The following ANKH variants were observed in gnomAD, a reference collection of about 807,000 sequenced individuals.
ANKH encodes the protein ANKH inorganic pyrophosphate transport regulator.
A neutral mutation model predicts 49.0 loss-of-function variants in ANKH; 15 were observed. That is an observed-to-expected ratio of 0.31 (90% confidence interval 0.20 to 0.47). The LOEUF is 0.47. ANKH is among the 20% of genes least tolerant of loss of function. ANKH has a pLI of 1.00. For synonymous variants in ANKH, 273 were observed against 260.0 expected (o/e 1.05, Z -0.48); for missense variants, 429 against 652.0 (o/e 0.66, Z 3.72).
intron 1 of ANKH, among the ~76,000 whole-genome samples, chr5:14,827,506 GT>G (rs752383325): frequency 5.9e-5 from 9 of 152,208 alleles, no homozygotes; most frequent in Non-Finnish European, 1.2e-4. Flanking sequence ...GTTACGCAGG[GT>G]CAGTCCAGGC....
chr5:14,861,692 C>T (rs578137973), intron 1 of ANKH, among the ~76,000 whole-genome samples: 5 of 152,276 alleles, frequency 3.3e-5, no homozygotes, highest in South Asian at 2.1e-4. Flanking sequence ...AGATTCTTAT[C>T]GACAGCCCAC....
intron 1 of ANKH, among the ~76,000 whole-genome samples, chr5:14,848,710 T>C (rs1323566285): frequency 2.6e-5 from 4 of 152,172 alleles, no homozygotes; most frequent in Non-Finnish European, 4.4e-5. Flanking sequence ...CACTAGTTGC[T>C]GGGTTCCACG....
intron 1 of ANKH, among the ~76,000 whole-genome samples, chr5:14,790,963 C>T (rs1740146862): frequency 6.6e-6 from 1 of 152,082 alleles, no homozygotes; most frequent in African/African-American, 2.4e-5. Flanking sequence ...CTGTGCTGGG[C>T]ATTTTCTCAT....
chr5:14,730,146 G>A (rs886692697), intron 8 of ANKH, among the ~76,000 whole-genome samples: 1 of 152,030 alleles, frequency 6.6e-6, no homozygotes, highest in Non-Finnish European at 1.5e-5. Flanking sequence ...CACAAGGAGG[G>A]GACCTGACCA....
At chr5:14,716,968 G>C in intron 8 of ANKH, 133 bp from the exon 9 acceptor site, 2 of 1,152,580 alleles carry the variant, frequency 1.7e-6, no homozygotes, top group East Asian at 2.6e-5. Context: ...TGGGCATGCT[G>C]GTCCCAGATC....
chr5:14,856,922 G>A (rs528559979), intron 1 of ANKH, among the ~76,000 whole-genome samples: 1 of 152,238 alleles, frequency 6.6e-6, no homozygotes, highest in African/African-American at 2.4e-5. Flanking sequence ...CATGTAGGAA[G>A]GTGTGGATGT....
chr5:14,842,842 C>T (rs556000698), intron 1 of ANKH, among the ~76,000 whole-genome samples: 1 of 152,272 alleles, frequency 6.6e-6, no homozygotes, highest in African/African-American at 2.4e-5. Flanking sequence ...ATTTTCTTCC[C>T]TTTCTTCTCT....
intron 1 of ANKH, among the ~76,000 whole-genome samples, chr5:14,819,639 G>A (rs1180361567): frequency 6.6e-6 from 1 of 152,092 alleles, no homozygotes; most frequent in Non-Finnish European, 1.5e-5. Flanking sequence ...GCCAAGAACG[G>A]CAGATCTCTT....
chr5:14,842,607 G>C (rs755222192), intron 1 of ANKH, among the ~76,000 whole-genome samples: 2 of 152,114 alleles, frequency 1.3e-5, no homozygotes, highest in Non-Finnish European at 2.9e-5. Flanking sequence ...AAAATGGACT[G>C]ATCATTCCAG....
chr5:14,749,234 T>C lies in ANKH; in HGVS notation c.760A>G (p.Ser254Gly). 1 of 1,614,180 alleles carries C rather than the reference T, an allele frequency of 6.2e-7. No homozygotes were observed. Among genetic ancestry groups the C allele is most frequent in the Non-Finnish European group, 8.5e-7 (1 of 1,180,016 alleles). ...LALILATQRISRPIVNLFVSR... is the reference protein window; with the variant it reads ...LALILATQRIGRPIVNLFVSR... ...ACAAAGAGGTTGACAATAGGCCGAC[T>C]GATTCTCTGTGTGGCCAGAATTAGA... The change falls in exon 6 of 12, where the codon AGT (serine) becomes GGT (glycine). Residue 254 changes from serine to glycine, a missense_variant. Ser to Gly is a moderately conservative substitution (Grantham distance 56, BLOSUM62 0). Transcript: ENST00000284268.
At chr5:14,809,626 G>A (rs1378406746) in intron 1 of ANKH, among the ~76,000 whole-genome samples, 1 of 152,170 alleles carries the variant, frequency 6.6e-6, no homozygotes, top group Non-Finnish European at 1.5e-5. Flanking sequence ...ATTTCTTCTT[G>A]ACATAAACTG....
chr5:14,718,977 TAAAGAAAC>T (rs1195095658), intron 8 of ANKH, among the ~76,000 whole-genome samples: 1 of 149,838 alleles, frequency 6.7e-6, no homozygotes, highest in African/African-American at 2.5e-5. Flanking sequence ...AGAAGAGAGT[TAAAGAAAC>T]AAAGTCCAAC....
At chr5:14,808,633 G>C (rs557940947) in intron 1 of ANKH, among the ~76,000 whole-genome samples, 1 of 152,022 alleles carries the variant, frequency 6.6e-6, no homozygotes, top group South Asian at 2.1e-4. Flanking sequence ...ACCACTATGA[G>C]ATATCATCTC....
At chr5:14,838,136 A>C (rs1352705973) in intron 1 of ANKH, among the ~76,000 whole-genome samples, 1 of 152,192 alleles carries the variant, frequency 6.6e-6, no homozygotes, top group Non-Finnish European at 1.5e-5. Flanking sequence ...GGGCGGAGGG[A>C]TAGCATTAGG....
intron 1 of ANKH, among the ~76,000 whole-genome samples, chr5:14,792,104 C>T (rs1199902316): frequency 6.6e-6 from 1 of 152,082 alleles, no homozygotes; most frequent in Non-Finnish European, 1.5e-5. Flanking sequence ...TGAGGGGGTA[C>T]AGGGAGTGCC....
chr5:14,819,859 T>C (rs181452692), intron 1 of ANKH, among the ~76,000 whole-genome samples: 1 of 150,446 alleles, frequency 6.6e-6, no homozygotes, highest in Non-Finnish European at 1.5e-5. Context: ...GAGTGAAAGC[T>C]CGTCTCAACA....
At chr5:14,712,698 T>G (rs2126400806) in intron 11 of ANKH, among the ~76,000 whole-genome samples, 176 bp downstream of exon 11, 1 of 152,252 alleles carries the variant, frequency 6.6e-6, no homozygotes, top group African/African-American at 2.4e-5. Context: ...CTTTTCCCCT[T>G]TTTTCTTACC....
chr5:14,842,303 G>A (rs1337156635), intron 1 of ANKH, among the ~76,000 whole-genome samples: 2 of 152,140 alleles, frequency 1.3e-5, no homozygotes, highest in Non-Finnish European at 2.9e-5. Context: ...TTGCTGATGT[G>A]CTTCAGGCAT....
intron 1 of ANKH, among the ~76,000 whole-genome samples, chr5:14,838,601 G>A (rs961629286): frequency 2.6e-5 from 4 of 152,114 alleles, no homozygotes; most frequent in African/African-American, 7.2e-5. Context: ...GGGACCCCAC[G>A]CCTGCTTGGG....
Sources: gnomAD v4.1 joint callset for allele counts (sites outside exome capture counted in the v4.1 genomes callset) on GRCh38, gnomAD v4.1.1 for gene constraint, MANE v1.5 for transcripts, NCBI Gene and HGNC (gene_info 2026-07-23, HGNC 2026-07-21) for gene names.